SLC16A7: variants seen among roughly 807,000 people sequenced by gnomAD.
SLC16A7 encodes solute carrier family 16 member 7.
In SLC16A7, 33 loss-of-function variants were observed where a neutral mutation model predicts 34.9. The ratio of observed to expected loss-of-function variants is 0.94; its 90% CI spans 0.72 to 1.26. The LOEUF is 1.26. Ranked by LOEUF, SLC16A7 falls within the 50% of genes most tolerant of loss-of-function variation. The probability of loss-of-function intolerance (pLI) is 0.00; values close to 1 mark genes in which losing one functional copy is unlikely to be tolerated. For synonymous variants in SLC16A7, 201 were observed against 206.6 expected (o/e 0.97, Z 0.23); for missense variants, 573 against 578.1 (o/e 0.99, Z 0.09).
intron 1 of SLC16A7, among the ~76,000 whole-genome samples, chr12:59,618,697 A>G (rs532433326): frequency 1.5e-4 from 23 of 152,016 alleles, no homozygotes; most frequent in African/African-American, 5.5e-4. Flanking sequence ...TCCGTTTCCA[A>G]TAGTTGTTCT....
At chr12:59,613,762 A>G (rs1045503047) in intron 1 of SLC16A7, among the ~76,000 whole-genome samples, 17 of 152,318 alleles carry the variant, frequency 1.1e-4, no homozygotes, top group African/African-American at 4.1e-4. Flanking sequence ...GGTCAAGAGC[A>G]TGGAACATCT....
chr12:59,617,310 A>G (rs1271319236), intron 1 of SLC16A7, among the ~76,000 whole-genome samples: 1 of 151,978 alleles, frequency 6.6e-6, no homozygotes, highest in Non-Finnish European at 1.5e-5. Context: ...GATATTGGAC[A>G]GGCACTAGGC....
chr12:59,712,949 C>G (rs890128645), intron 3 of SLC16A7, among the ~76,000 whole-genome samples: 1 of 152,122 alleles, frequency 6.6e-6, no homozygotes, highest in African/African-American at 2.4e-5. Flanking sequence ...GCATGAAATG[C>G]TCTCGTGAAC....
chr12:59,697,256 A>G (rs1269800054), intron 2 of SLC16A7, among the ~76,000 whole-genome samples: 1 of 152,020 alleles, frequency 6.6e-6, no homozygotes, highest in Non-Finnish European at 1.5e-5. Flanking sequence ...TTGATTATCT[A>G]TGGAAGGCTG....
In SLC16A7 at chr12:59,596,962, G is replaced by A. The variant is rs1878436423; in HGVS notation, c.-130+726G>A. On this transcript the variant is annotated intron_variant, in intron 1 of 5. Transcript: ENST00000547379. This position sits in a 1 kb window ranked among gnomAD's most constrained non-coding sequence, Gnocchi z 5.0. ...GGTTCAGGAGGGCCTGAGCCTTCTG[G>A]TCTTGCTGGGCCACTGCACCACATT... 1 of 152,296 alleles carries A rather than the reference G, an allele frequency of 6.6e-6. No homozygotes were observed. The highest frequency in any genetic ancestry group is 6.5e-5 in the Admixed American group (1 of 15,284). The allele number at this position is 152,296 out of a possible 1,614,324, so 9.4% of individuals were successfully genotyped here.
intron 3 of SLC16A7, among the ~76,000 whole-genome samples, chr12:59,747,206 G>A (rs1265106513): frequency 6.6e-6 from 1 of 152,118 alleles, no homozygotes; most frequent in Non-Finnish European, 1.5e-5. Flanking sequence ...TACATCTAAT[G>A]ATATAGTTAT....
chr12:59,715,455 A>G (rs1004395845), intron 3 of SLC16A7, among the ~76,000 whole-genome samples: 5 of 152,216 alleles, frequency 3.3e-5, no homozygotes, highest in African/African-American at 1.2e-4. Context: ...ACAGCACTTC[A>G]GCATTATGCT....
chr12:59,766,272 G>A (rs562880777), intron 3 of SLC16A7, among the ~76,000 whole-genome samples: 1 of 152,190 alleles, frequency 6.6e-6, no homozygotes, highest in African/African-American at 2.4e-5. Flanking sequence ...CATGTCATCT[G>A]CAAACAGGGA....
chr12:59,770,680 A>G (rs1882135190), intron 3 of SLC16A7, among the ~76,000 whole-genome samples: 1 of 152,152 alleles, frequency 6.6e-6, no homozygotes, highest in Non-Finnish European at 1.5e-5. Context: ...CTTTATGCTA[A>G]TATGATAGGA....
intron 3 of SLC16A7, among the ~76,000 whole-genome samples, chr12:59,740,897 A>G (rs1332419867): frequency 6.6e-6 from 1 of 152,144 alleles, no homozygotes; most frequent in Non-Finnish European, 1.5e-5. Flanking sequence ...AAAAATCACA[A>G]GCATTCTTAT....
chr12:59,669,216 T>C (rs1229796607), intron 2 of SLC16A7, among the ~76,000 whole-genome samples: 1 of 152,174 alleles, frequency 6.6e-6, no homozygotes. Flanking sequence ...AAAGTATGAA[T>C]AATATCAAAA....
At chr12:59,685,852 A>C (rs565613045) in intron 2 of SLC16A7, among the ~76,000 whole-genome samples, 54 of 152,236 alleles carry the variant, frequency 3.5e-4, no homozygotes, top group African/African-American at 1.3e-3. Flanking sequence ...TAGCATAAAA[A>C]ATTTTAATAA....
At position 59,785,954 on chromosome 12, in the gene SLC16A7, A is replaced by AT. The variant is rs1883585302; in HGVS notation, c.*6276dup. 6.7e-6 allele frequency: 1 copy of AT among 148,670 alleles called. No homozygotes were observed. The highest frequency in any genetic ancestry group is 2.5e-5 in the African/African-American group (1 of 40,376). 9.2% of individuals were successfully genotyped at this position (148,670 alleles called of 1,614,324 possible). A position where few individuals can be genotyped will look rare whatever the true frequency, so the allele number is the denominator to read the frequency against. On this transcript the variant is annotated 3_prime_UTR_variant, in exon 6 of 6. Transcript: ENST00000547379. ...GCAAGAACAAAAAACCAAACACCGC[A>AT]TATTCTCACTCATAGGTGGGAACTG...
chr12:59,709,788 T>C (rs1048158635), intron 3 of SLC16A7, among the ~76,000 whole-genome samples: 5 of 151,744 alleles, frequency 3.3e-5, no homozygotes, highest in African/African-American at 1.2e-4. Context: ...TGGTACAGTG[T>C]GGCAGAAACT....
chr12:59,757,418 A>C (rs1394050007), intron 3 of SLC16A7, among the ~76,000 whole-genome samples: 1 of 152,160 alleles, frequency 6.6e-6, no homozygotes, highest in East Asian at 1.9e-4. Flanking sequence ...AAGAAGACAA[A>C]GTAGTTCCAG....
intron 1 of SLC16A7, among the ~76,000 whole-genome samples, chr12:59,612,925 C>G (rs939660026): frequency 6.6e-6 from 1 of 152,300 alleles, no homozygotes; most frequent in East Asian, 1.9e-4. Flanking sequence ...CCTACATCTC[C>G]CTGTCTTCTT....
rs183526974 is a variant in SLC16A7 at position 59,662,780 on chromosome 12, C to T, written c.-31+7530C>T. 2.0e-5 allele frequency among the ~76,000 whole-genome samples: 3 copies of T among 152,178 alleles called. No individual in the cohort carries two copies. The East Asian group carries it at 5.8e-4, about 29-fold the overall frequency. The stretch of plus-strand genomic sequence containing the variant: ...AGGTGACTAAAGTTAATGTTAAAGT[C>T]AGTTCATTCTATTTGCTATGTGTTT... On this transcript the variant is annotated intron_variant, in intron 2 of 5. Transcript: ENST00000547379.
At chr12:59,676,728 A>T (rs1213692828) in intron 2 of SLC16A7, among the ~76,000 whole-genome samples, 1 of 152,172 alleles carries the variant, frequency 6.6e-6, no homozygotes, top group Non-Finnish European at 1.5e-5. Context: ...AGTACAGATA[A>T]TACATAATTC....
At chr12:59,724,411 A>G (rs1428036449) in intron 3 of SLC16A7, among the ~76,000 whole-genome samples, 4 of 152,090 alleles carry the variant, frequency 2.6e-5, no homozygotes, top group Non-Finnish European at 4.4e-5. Flanking sequence ...TTTTTATGTC[A>G]ATATAGATAA....
Sources: allele counts gnomAD v4.1 joint callset (sites outside exome capture counted in the v4.1 genomes callset), GRCh38; gene constraint gnomAD v4.1.1; non-coding constraint Gnocchi (gnomAD v3.1); transcripts MANE v1.5; gene names NCBI Gene and HGNC (gene_info 2026-07-23, HGNC 2026-07-21).